The following CHRNA3 variants were observed in gnomAD, a reference collection of about 807,000 sequenced individuals.
The protein encoded by CHRNA3 is cholinergic receptor nicotinic alpha 3 subunit.
A neutral mutation model predicts 41.9 loss-of-function variants in CHRNA3; 34 were observed. The observed-to-expected ratio is 0.81, with a 90% CI of 0.62 to 1.08. The LOEUF (loss-of-function observed/expected upper bound fraction) is 1.08, where lower values mean the gene tolerates loss of function less well. CHRNA3 is among the 50% of genes least tolerant of loss of function. The pLI, the probability that CHRNA3 is intolerant of heterozygous loss-of-function variation, is 0.00. For synonymous variants in CHRNA3, 281 were observed against 265.2 expected (o/e 1.06, Z -0.58); for missense variants, 542 against 638.3 (o/e 0.85, Z 1.63).
At chr15:78,617,274 C>T (rs564064209) in intron 3 of CHRNA3, 141 bp from the exon 4 acceptor site, 12 of 631,404 alleles carry the variant, frequency 1.9e-5, no homozygotes, top group Non-Finnish European at 2.8e-5. Context: ...TCACATAGTC[C>T]AACTTCTCCT....
intron 3 of CHRNA3, among the ~76,000 whole-genome samples, chr15:78,618,167 A>G (rs1305316033): frequency 1.3e-5 from 2 of 152,104 alleles, no homozygotes; most frequent in East Asian, 3.9e-4. Context: ...GAACTGCTTG[A>G]ACCCTGCTGG....
chr15:78,615,776 C>T (rs2053452287), intron 4 of CHRNA3, among the ~76,000 whole-genome samples: 2 of 130,402 alleles, frequency 1.5e-5, no homozygotes, highest in South Asian at 4.9e-4. Context: ...CGGAGTCTCA[C>T]TGTCACCCAG....
chr15:78,601,348 G>A lies in CHRNA3; in HGVS notation c.1294C>T (p.Leu432=). ...SSSSESVDAV[L]SLSALSPEIK... ...TCTGGTGACAAAGCAGAGAGGGACAGCACAGCATCAACAGATTCAGAACTA... is the reference window on the plus strand; with the variant it reads ...TCTGGTGACAAAGCAGAGAGGGACAACACAGCATCAACAGATTCAGAACTA... Residue 432 remains leucine, a synonymous_variant, in exon 5 of 6, where the codon CTG becomes TTG. Transcript: ENST00000326828. 6.2e-7 allele frequency: 1 copy of A among 1,614,232 alleles called. No homozygotes were observed.
In CHRNA3 at chr15:78,602,126, G is replaced by C. The variant is rs748738137; in HGVS notation, c.516C>G (p.Asn172Lys). Reference protein sequence around the residue: ...DVTYFPFDYQNCTMKFGSWSY... With the variant: ...DVTYFPFDYQKCTMKFGSWSY... ...ACCAGGAACCGAACTTCATGGTACA[G>C]TTTTGGTAATCAAACGGGAAGTAGG... The change falls in exon 5 of 6, where the codon AAC (asparagine) becomes AAG (lysine). Residue 172 changes from asparagine to lysine, a missense_variant. Transcript: ENST00000326828. 1.2e-6 allele frequency: 2 copies of C among 1,614,174 alleles called. No individual in the cohort carries two copies. Among genetic ancestry groups the C allele is most frequent in the Non-Finnish European group, 1.7e-6 (2 of 1,180,038 alleles).
chr15:78,618,594 G>A (rs1444566036), intron 3 of CHRNA3, 23 bp downstream of exon 3: 2 of 1,613,794 alleles, frequency 1.2e-6, no homozygotes, highest in South Asian at 1.1e-5. Context: ...GGGGGCAGCA[G>A]TGCCTAGGGT....
intron 4 of CHRNA3, 27 bp from the exon 5 acceptor site, chr15:78,602,291 GAC>G (rs1371125564): frequency 6.2e-7 from 1 of 1,602,586 alleles, no homozygotes; most frequent in South Asian, 1.1e-5. Flanking sequence ...GGGGCACAGT[GAC>G]ACACGGTCAT....
chr15:78,609,491 A>G (rs369423545), intron 4 of CHRNA3, among the ~76,000 whole-genome samples: 55 of 152,146 alleles, frequency 3.6e-4, no homozygotes, highest in African/African-American at 1.2e-3. Flanking sequence ...CTTCATAAGT[A>G]AAGGAGAAAT....
chr15:78,607,804 A>C (rs891818545), intron 4 of CHRNA3, among the ~76,000 whole-genome samples: 11 of 152,240 alleles, frequency 7.2e-5, no homozygotes, highest in African/African-American at 2.4e-4. Flanking sequence ...GGGGTCAGGG[A>C]GTTCCCTTTC....
At chr15:78,613,925 G>C (rs531277567) in intron 4 of CHRNA3, among the ~76,000 whole-genome samples, 1 of 151,620 alleles carries the variant, frequency 6.6e-6, no homozygotes, top group African/African-American at 2.4e-5. Flanking sequence ...CAGCCTGGGC[G>C]ACAGAGTGAG....
rs752405736 is a variant in CHRNA3, at chr15:78,601,484, T to C, written c.1158A>G (p.Ala386=). 1.2e-5 allele frequency: 20 copies of C among 1,614,028 alleles called. No individual in the cohort carries two copies. Among genetic ancestry groups the C allele is most frequent in the Admixed American group, 3.3e-5 (2 of 60,000 alleles). The change falls in exon 5 of 6, where the codon GCA becomes GCG. Residue 386 remains alanine, a synonymous_variant. Transcript: ENST00000326828. ...ELSNLNCFSR[A]ESKGCKEGYP... ...AGCCCTCCTTGCAGCCTTTGGACTC[T>C]GCGCGGCTGAAGCAATTCAGATTTG...
Position 78,596,149 on chromosome 15 carries a change from G to A in CHRNA3, c.*455C>T. 8.1e-6 allele frequency: 8 copies of A among 985,590 alleles called. No homozygotes were observed. The highest frequency in any genetic ancestry group is 9.6e-6 in the Non-Finnish European group (8 of 830,130). The allele number at this position is 985,590 out of a possible 1,614,324, so 61.1% of individuals were successfully genotyped here. ...ACCCAGTAAAGAACGAGAAATGCATGGTAAGAAATGGGTAACGATGGGGGA... is the reference window on the plus strand; with the variant it reads ...ACCCAGTAAAGAACGAGAAATGCATAGTAAGAAATGGGTAACGATGGGGGA... On this transcript the variant is annotated 3_prime_UTR_variant, in exon 6 of 6. Coordinates refer to ENST00000326828, the MANE Select transcript of CHRNA3 (RefSeq NM_000743.5).
chr15:78,604,625 G>A (rs2053254859), intron 4 of CHRNA3, among the ~76,000 whole-genome samples: 2 of 152,224 alleles, frequency 1.3e-5, no homozygotes, highest in Non-Finnish European at 2.9e-5. Flanking sequence ...GCAGAAGACA[G>A]AACATGCAGA....
chr15:78,600,971 T>A (rs1280456932), intron 5 of CHRNA3, among the ~76,000 whole-genome samples: 1 of 152,164 alleles, frequency 6.6e-6, no homozygotes, highest in Non-Finnish European at 1.5e-5. Context: ...TCTAGTCTAT[T>A]GGCATCAGGT....
Position 78,596,693 on chromosome 15 carries a change from G to A in CHRNA3, c.1429C>T (p.Arg477Cys), listed in dbSNP as rs751042207. ...DWKYVAMVID[R>C]IFLWVFTLVC... ...AGGGTGAAAACCCACAGAAAAATAC[G>A]ATCAATCACCATGGCAACATACTTC... The change falls in exon 6 of 6, where the codon CGT becomes TGT. Residue 477 changes from arginine to cysteine, a missense_variant. Transcript: ENST00000326828. 4.3e-6 allele frequency: 7 copies of A among 1,612,438 alleles called. No individual in the cohort carries two copies. Among genetic ancestry groups the A allele is most frequent in the South Asian group, 1.1e-5 (1 of 90,712 alleles).
chr15:78,594,346 TA>T (rs2053063902), downstream of CHRNA3: 1 of 152,110 alleles, frequency 6.6e-6, no homozygotes, highest in Non-Finnish European at 1.5e-5. Flanking sequence ...GATCTTAGAA[TA>T]GTCAGTCCAC....
intron 1 of CHRNA3, chr15:78,620,316 C>A: frequency 4.9e-6 from 1 of 206,004 alleles, no homozygotes; most frequent in Non-Finnish European, 9.8e-6. Flanking sequence ...AGGAGGTGGG[C>A]GGGATGCAGA....
chr15:78,618,921 G>A lies in CHRNA3; in HGVS notation c.83-6C>T. The stretch of plus-strand genomic sequence containing the variant: ...AGCCTCTGAGGCCCTGGCCACTGTG[G>A]GAAGCAGCCCTGTCAGTCCCTGGGG... On this transcript the variant is annotated splice_region_variant and splice_polypyrimidine_tract_variant and intron_variant, in intron 1 of 5. Coordinates refer to ENST00000326828, the MANE Select transcript of CHRNA3 (RefSeq NM_000743.5). The A allele has an allele frequency of 6.2e-7, 1 of 1,612,634 alleles. No individual in the cohort carries two copies. Among genetic ancestry groups the A allele is most frequent in the Non-Finnish European group, 8.5e-7 (1 of 1,179,924 alleles).
intron 1 of CHRNA3, chr15:78,619,234 C>A: frequency 2.5e-6 from 1 of 397,208 alleles, no homozygotes; most frequent in Non-Finnish European, 4.6e-6. Flanking sequence ...GTGGCTTAAC[C>A]TCTCTGAACC....
At chr15:78,618,081 T>C (rs935243308) in intron 3 of CHRNA3, among the ~76,000 whole-genome samples, 1 of 152,124 alleles carries the variant, frequency 6.6e-6, no homozygotes, top group Non-Finnish European at 1.5e-5. Context: ...ACCCTGTCTC[T>C]ATAACAAATC....
Sources: gnomAD v4.1 joint callset for allele counts (sites outside exome capture counted in the v4.1 genomes callset) on GRCh38, gnomAD v4.1.1 for gene constraint, MANE v1.5 for transcripts, NCBI Gene and HGNC (gene_info 2026-07-23, HGNC 2026-07-21) for gene names.